The following TNKS variants were observed in gnomAD, a reference collection of about 807,000 sequenced individuals.
The protein encoded by TNKS is poly [ADP-ribose] polymerase tankyrase-1.
TNKS carries 72 observed loss-of-function variants against 135.8 expected under a neutral mutation model. That is an observed-to-expected ratio of 0.53 (90% CI 0.44 to 0.64). The LOEUF (loss-of-function observed/expected upper bound fraction) is 0.64. TNKS is among the 30% of genes least tolerant of loss of function. The pLI is 0.00. For synonymous variants in TNKS, 849 were observed against 649.3 expected (o/e 1.31, Z -4.68); for missense variants, 1,769 against 1,674.0 (o/e 1.06, Z -0.99).
intron 11 of TNKS, among the ~76,000 whole-genome samples, chr8:9,710,811 G>A (rs534569465): frequency 5.9e-5 from 9 of 152,256 alleles, no homozygotes; most frequent in Admixed American, 5.9e-4. Context: ...CAGGAGAATG[G>A]CATGAACCTG....
At chr8:9,711,254 C>G (rs1391426997) in intron 11 of TNKS, among the ~76,000 whole-genome samples, 2 of 152,030 alleles carry the variant, frequency 1.3e-5, no homozygotes, top group African/African-American at 2.4e-5. Context: ...AAAGATGATG[C>G]CAGCACTCTC....
At chr8:9,636,517 C>T (rs1800517496) in intron 3 of TNKS, among the ~76,000 whole-genome samples, 1 of 151,906 alleles carries the variant, frequency 6.6e-6, no homozygotes, top group African/African-American at 2.4e-5. Flanking sequence ...AATTAAATGT[C>T]TTTTTTTCTA....
chr8:9,769,607 A>ATTT (rs1807683717), intron 25 of TNKS, among the ~76,000 whole-genome samples: 1 of 98,440 alleles, frequency 1.0e-5, no homozygotes, highest in African/African-American at 4.0e-5. Flanking sequence ...ACTGGCAGGC[A>ATTT]TTTTCTTTTT....
chr8:9,770,246 T>C lies in TNKS; in HGVS notation c.3881T>C (p.Ile1294Thr), dbSNP rs890335105. Residue 1294 changes from isoleucine to threonine, a missense_variant, in exon 26 of 27, where the codon ATC becomes ACC. Around this residue, in one of 5 missense-constraint regions of TNKS, gnomAD observed 722 missense variants for 688.9 expected, o/e 1.05. Transcript: ENST00000310430. Reference protein sequence around the residue: ...VNGLAYAEYVIYRGEQAYPEY... With the variant: ...VNGLAYAEYVTYRGEQAYPEY... ...GGGCTGGCATATGCTGAATATGTCA[T>C]CTACAGAGGAGAACAGGTATGTTAC... 2 of 1,612,542 alleles carry C rather than the reference T, an allele frequency of 1.2e-6. No individual in the cohort carries two copies. The highest frequency in any genetic ancestry group is 1.7e-6 in the Non-Finnish European group (2 of 1,179,330).
At chr8:9,762,254 C>G (rs1328677092) in intron 21 of TNKS, among the ~76,000 whole-genome samples, 2 of 152,108 alleles carry the variant, frequency 1.3e-5, no homozygotes, top group Admixed American at 6.5e-5. Flanking sequence ...AGCACCTTCA[C>G]TATAGGAAAG....
chr8:9,630,200 A>AT (rs1199147079), intron 3 of TNKS, among the ~76,000 whole-genome samples: 1 of 152,056 alleles, frequency 6.6e-6, no homozygotes, highest in African/African-American at 2.4e-5. Context: ...TAACAAGTCG[A>AT]TTTTTTTCTC....
intron 17 of TNKS, among the ~76,000 whole-genome samples, chr8:9,742,269 T>A (rs1011734636): frequency 2.6e-5 from 4 of 152,200 alleles, no homozygotes; most frequent in Admixed American, 6.5e-5. Flanking sequence ...ACTGTTACTT[T>A]TTTTTGGCAA....
In TNKS at chr8:9,698,374, G is replaced by GAAAAAAAAA. The variant is rs34311181; in HGVS notation, c.1108-6280_1108-6272dup. Among the ~76,000 whole-genome samples, 291 of 98,746 alleles carry GAAAAAAAAA rather than the reference G, an allele frequency of 2.9e-3. 14 individuals are homozygous for GAAAAAAAAA. Among genetic ancestry groups the GAAAAAAAAA allele is most frequent in the African/African-American group, 0.01 (253 of 25,166 alleles). The allele number at this position is 98,746 out of a possible 152,430, so 64.8% of individuals were successfully genotyped here. On this transcript the variant is annotated intron_variant, in intron 5 of 26. Coordinates refer to ENST00000310430, the MANE Select transcript of TNKS (RefSeq NM_003747.3). The stretch of plus-strand genomic sequence containing the variant: ...GTATCTAAAAGTTAAATTTTAAAAT[G>GAAAAAAAAA]AAAAAAAAAAAAAAAAAGCTTAAGT...
intron 5 of TNKS, among the ~76,000 whole-genome samples, chr8:9,704,241 A>G (rs1418740538): frequency 2.0e-5 from 3 of 152,184 alleles, no homozygotes; most frequent in Non-Finnish European, 2.9e-5. Flanking sequence ...AGATCTTTAG[A>G]TAAAGTTTTA....
At chr8:9,700,374 G>T (rs542848605) in intron 5 of TNKS, among the ~76,000 whole-genome samples, 1 of 152,228 alleles carries the variant, frequency 6.6e-6, no homozygotes, top group East Asian at 1.9e-4. Context: ...TGTTTTCATT[G>T]CTATCCCTAG....
At chr8:9,683,829 C>T (rs1332267067) in intron 5 of TNKS, among the ~76,000 whole-genome samples, 1 of 151,500 alleles carries the variant, frequency 6.6e-6, no homozygotes, top group Non-Finnish European at 1.5e-5. Flanking sequence ...TTTTCCTAAC[C>T]TTTAGAATTC....
rs954824269 is a variant in TNKS at position 9,778,296 on chromosome 8, A to G, written c.*1560A>G. 1.3e-5 allele frequency: 2 copies of G among 152,346 alleles called. No homozygotes were observed. Among genetic ancestry groups the G allele is most frequent in the Admixed American group, 6.5e-5 (1 of 15,288 alleles). The allele number at this position is 152,346 out of a possible 1,614,324, so 9.4% of individuals were successfully genotyped here. On this transcript the variant is annotated 3_prime_UTR_variant, in exon 27 of 27. Coordinates refer to ENST00000310430, the MANE Select transcript of TNKS (RefSeq NM_003747.3). ...AAACACGAGGAGGAATAGGAAAGAC[A>G]GTGTGACACAAACTTGCCATTGCAA... is the stretch of plus-strand genomic sequence containing the variant.
intron 20 of TNKS, among the ~76,000 whole-genome samples, chr8:9,758,942 T>C (rs1209834158): frequency 2.6e-5 from 4 of 152,158 alleles, no homozygotes; most frequent in Non-Finnish European, 5.9e-5. Flanking sequence ...CTAAAGACTC[T>C]ACTGGAGAAG....
intron 2 of TNKS, chr8:9,615,363 A>T: frequency 2.7e-6 from 1 of 373,326 alleles, no homozygotes; most frequent in Non-Finnish European, 4.8e-6. Flanking sequence ...TTATGATGTT[A>T]AGTCATGTGA....
At chr8:9,679,887 C>T in intron 3 of TNKS, 64 bp from the exon 4 acceptor site, 7 of 1,281,040 alleles carry the variant, frequency 5.5e-6, no homozygotes, top group Non-Finnish European at 8.0e-6. Context: ...TATTTGCTGC[C>T]TACTGCATTT....
At chr8:9,644,506 G>A (rs987909166) in intron 3 of TNKS, among the ~76,000 whole-genome samples, 1 of 151,990 alleles carries the variant, frequency 6.6e-6, no homozygotes, top group Non-Finnish European at 1.5e-5. Flanking sequence ...AAATTTTAAC[G>A]TTTCCCACTA....
At chr8:9,597,530 A>G (rs1294344938) in intron 2 of TNKS, among the ~76,000 whole-genome samples, 1 of 152,158 alleles carries the variant, frequency 6.6e-6, no homozygotes, top group Non-Finnish European at 1.5e-5. Context: ...CCTCATTGTA[A>G]TTTAGATTCT....
chr8:9,713,257 A>C (rs2128810109), intron 11 of TNKS, among the ~76,000 whole-genome samples: 1 of 152,338 alleles, frequency 6.6e-6, no homozygotes, highest in Non-Finnish European at 1.5e-5. Context: ...AAGCTAAGTG[A>C]CATTTCTGCT....
In TNKS at chr8:9,770,107, C is replaced by G; in HGVS notation, c.3742C>G (p.Gln1248Glu). Residue 1248 changes from glutamine (Q) to glutamate (E), a missense_variant and splice_region_variant, in exon 26 of 27, where the codon CAA (glutamine) becomes GAA (glutamate). Transcript: ENST00000310430. ...KDRSCYICHR[Q>E]MLFCRVTLGK... ...CATTGTTTTTTTCTTTTTCCTTAGACAAATGCTCTTCTGTAGAGTGACCCT... is the reference window on the plus strand; with the variant it reads ...CATTGTTTTTTTCTTTTTCCTTAGAGAAATGCTCTTCTGTAGAGTGACCCT... 3 of 1,601,530 alleles carry G rather than the reference C, an allele frequency of 1.9e-6. No individual in the cohort carries two copies. Among genetic ancestry groups the G allele is most frequent in the Non-Finnish European group, 1.7e-6 (2 of 1,173,440 alleles).
Sources: gnomAD v4.1 joint callset for allele counts (sites outside exome capture counted in the v4.1 genomes callset) on GRCh38, gnomAD v4.1.1 for gene constraint, gnomAD v4.1.1 regional missense constraint, MANE v1.5 for transcripts, NCBI Gene and HGNC (gene_info 2026-07-23, HGNC 2026-07-21) for gene names.